The following THOP1 variants were observed in gnomAD, a reference collection of about 807,000 sequenced individuals.
The protein encoded by THOP1 is thimet oligopeptidase 1.
A neutral mutation model predicts 71.8 loss-of-function variants in THOP1; 49 were observed. The observed-to-expected ratio is 0.68, with a 90% CI of 0.54 to 0.87. The LOEUF (loss-of-function observed/expected upper bound fraction) is 0.87. Ranked by LOEUF, THOP1 falls within the 40% of genes least tolerant of loss-of-function variation. The pLI, the probability that THOP1 is intolerant of heterozygous loss-of-function variation, is 0.00. For missense variants in THOP1, 843 were observed against 975.6 expected, an observed-to-expected ratio of 0.86 and a Z score of 1.81; for synonymous variants, 426 against 421.5, an observed-to-expected ratio of 1.01 and a Z score of -0.13.
intron 11 of THOP1, among the ~76,000 whole-genome samples, chr19:2,811,323 G>A (rs1916455494): frequency 6.6e-6 from 1 of 152,222 alleles, no homozygotes; most frequent in Non-Finnish European, 1.5e-5. Context: ...TTGCTTTATT[G>A]ACGCAGTCTC....
chr19:2,797,771 C>G (rs540050354), intron 4 of THOP1, among the ~76,000 whole-genome samples: 1 of 152,342 alleles, frequency 6.6e-6, no homozygotes, highest in East Asian at 1.9e-4. Flanking sequence ...AGAAAGCACA[C>G]AGTTCAATCA....
intron 9 of THOP1, chr19:2,809,775 A>G (rs1916408322): frequency 6.4e-6 from 1 of 155,372 alleles, no homozygotes; most frequent in Admixed American, 6.3e-5. Context: ...TTCCGTCGGG[A>G]CAAGGAGTGT....
At position 2,790,463 on chromosome 19, in the gene THOP1, T is replaced by C; in HGVS notation, c.59T>C (p.Val20Ala). ...DMADAASPCS[V>A]VNDLRWDLSA... ...GCGGACGCAGCATCTCCGTGCTCTG[T>C]GGTAAACGACCTGCGGTGGGACCTG... The change falls in exon 2 of 13, where the codon GTG becomes GCG. Residue 20 changes from valine (V) to alanine (A), a missense_variant. Physicochemically the swap from Val to Ala is moderately conservative, Grantham distance 64. Coordinates refer to ENST00000307741, the MANE Select transcript of THOP1 (RefSeq NM_003249.5). 6.3e-7 allele frequency: 1 copy of C among 1,598,864 alleles called. No individual in the cohort carries two copies.
chr19:2,798,561 C>T (rs1300419531), intron 4 of THOP1, among the ~76,000 whole-genome samples: 1 of 152,252 alleles, frequency 6.6e-6, no homozygotes, highest in Non-Finnish European at 1.5e-5. Context: ...GTCTCCAGAG[C>T]CTTCCCTGGC....
intron 9 of THOP1, chr19:2,810,005 C>T (rs1056328124): frequency 3.4e-5 from 16 of 465,584 alleles, no homozygotes; most frequent in Non-Finnish European, 5.7e-5. Flanking sequence ...CCCAACCCCT[C>T]GGGGTGCGGA....
In THOP1 at chr19:2,807,632, C is replaced by T. The variant is rs760179127; in HGVS notation, c.1077C>T (p.Tyr359=). ...TGGACCAGAACCTGCTCAAGGAGTA[C>T]TTCCCCGTGCAGGTGGTCACGCACG... The part of the protein sequence containing the change: ...YCVDQNLLKE[Y]FPVQVVTHGL... The change falls in exon 8 of 13, where the codon TAC becomes TAT. Residue 359 remains tyrosine (Y), a synonymous_variant. Coordinates refer to ENST00000307741, the MANE Select transcript of THOP1 (RefSeq NM_003249.5). 1.2e-6 allele frequency: 2 copies of T among 1,611,612 alleles called. No individual in the cohort carries two copies. The highest frequency in any genetic ancestry group is 1.7e-6 in the Non-Finnish European group (2 of 1,179,030).
rs752598272 is a variant in THOP1 at position 2,811,783 on chromosome 19, C to T, written c.1908+49C>T. 16 of 1,555,830 alleles carry T rather than the reference C, an allele frequency of 1.0e-5. 1 individual carries two copies. The South Asian group carries it at 1.7e-4, about 16-fold the overall frequency. On this transcript the variant is annotated intron_variant, in intron 12 of 12. Coordinates refer to ENST00000307741, the MANE Select transcript of THOP1 (RefSeq NM_003249.5). ...AGGGCGTCCTGAACGGCAAGGTACG[C>T]GGGGACTGGGGACAGGGAGGGCGTC...
At position 2,804,898 on chromosome 19, in the gene THOP1, C is replaced by T; in HGVS notation, c.590-118C>T. ...GTGGTGGCCAGGCTGCAGCTGCTCG[C>T]TGAGGGCCCCCTTGTAGCTTTCCAG... On this transcript the variant is annotated intron_variant, in intron 5 of 12. Transcript: ENST00000307741. The surrounding 1 kb of genome is among the most constrained non-coding windows in gnomAD (Gnocchi z 4.7). The T allele has an allele frequency of 9.6e-7, 1 of 1,045,974 alleles. No individual in the cohort carries two copies. Among genetic ancestry groups the T allele is most frequent in the Admixed American group, 3.0e-5 (1 of 33,850 alleles). 64.8% of individuals were successfully genotyped at this position (1,045,974 alleles called of 1,614,324 possible). A position where few individuals can be genotyped will look rare whatever the true frequency, so the allele number is the denominator to read the frequency against.
chr19:2,795,047 C>A, intron 3 of THOP1, 135 bp downstream of exon 3: 1 of 1,067,866 alleles, frequency 9.4e-7, no homozygotes, highest in Non-Finnish European at 1.3e-6. Context: ...TAGTCTCGAA[C>A]TCCTGACCTC....
intron 2 of THOP1, among the ~76,000 whole-genome samples, chr19:2,792,471 C>A (rs111787714): frequency 2.0e-5 from 3 of 150,764 alleles, no homozygotes; most frequent in African/African-American, 4.9e-5. Context: ...AGCCCACCCC[C>A]CCTCTAAACA....
Position 2,803,022 on chromosome 19 carries a change from G to A in THOP1, c.590-1994G>A, listed in dbSNP as rs77993747. ...CCGCAGGCTCGGCCTCTGAGCCCGC[G>A]CTTACTGTGGGGCGCGCGGTACCGC... On this transcript the variant is annotated intron_variant, in intron 5 of 12. Transcript: ENST00000307741. Among the ~76,000 whole-genome samples the A allele has an allele frequency of 1.3e-3, 190 of 150,832 alleles. 2 individuals are homozygous for A. In the East Asian group the frequency reaches 0.033, roughly 26 times the overall value.
chr19:2,793,163 G>A (rs548199327), intron 2 of THOP1, among the ~76,000 whole-genome samples: 5 of 151,418 alleles, frequency 3.3e-5, no homozygotes, highest in East Asian at 3.9e-4. Context: ...CAACAGCAGC[G>A]AAACTCTGTC....
At chr19:2,792,808 C>T (rs762197840) in intron 2 of THOP1, among the ~76,000 whole-genome samples, 11 of 152,134 alleles carry the variant, frequency 7.2e-5, no homozygotes, top group East Asian at 1.9e-4. Context: ...TGTGTGCCAC[C>T]GTGCCTGGCT....
intron 5 of THOP1, among the ~76,000 whole-genome samples, chr19:2,803,201 A>C (rs979717610): frequency 6.6e-6 from 1 of 152,206 alleles, no homozygotes; most frequent in African/African-American, 2.4e-5. Context: ...TGTGTTCACC[A>C]CTGCCAGGGA....
intron 6 of THOP1, chr19:2,806,708 C>T (rs1198285487): frequency 6.6e-6 from 5 of 760,298 alleles, no homozygotes; most frequent in African/African-American, 3.5e-5. Flanking sequence ...GAGTCATCTG[C>T]ACCCCTTCTG....
In THOP1 at chr19:2,804,263, G is replaced by T. The variant is rs1490519446; in HGVS notation, c.590-753G>T. ...CACTTCTCTTGAGGCTGTCGGGCAG[G>T]GGCCAGGTGGGAGGGTGTGGCTGCC... On this transcript the variant is annotated intron_variant, in intron 5 of 12. Coordinates refer to ENST00000307741, the MANE Select transcript of THOP1 (RefSeq NM_003249.5). The surrounding 1 kb of genome is among the most constrained non-coding windows in gnomAD (Gnocchi z 4.7). Among the ~76,000 whole-genome samples, 1 of 152,172 alleles carries T rather than the reference G, an allele frequency of 6.6e-6. No individual in the cohort carries two copies. Among genetic ancestry groups the T allele is most frequent in the African/African-American group, 2.4e-5 (1 of 41,436 alleles).
At position 2,815,252 on chromosome 19, in the gene THOP1, A is replaced by G. The variant is rs1916575508; in HGVS notation, c.*1976A>G. ...GAGCACCCCAGCTGGGCCCTGGGCC[A>G]TCACAGCCTTGTCACACACACAGCC... On this transcript the variant is annotated 3_prime_UTR_variant, in exon 13 of 13. Coordinates refer to ENST00000307741, the MANE Select transcript of THOP1 (RefSeq NM_003249.5). 6.6e-6 allele frequency: 1 copy of G among 152,310 alleles called. No individual in the cohort carries two copies. The highest frequency in any genetic ancestry group is 1.9e-4 in the East Asian group (1 of 5,182). 9.4% of individuals were successfully genotyped at this position (152,310 alleles called of 1,614,324 possible).
chr19:2,804,801 T>A lies in THOP1; in HGVS notation c.590-215T>A. On this transcript the variant is annotated intron_variant, in intron 5 of 12. Transcript: ENST00000307741. This position sits in a 1 kb window ranked among gnomAD's most constrained non-coding sequence, Gnocchi z 4.7. ...GGCGGGACGTGAGAAACGTGGCAGG[T>A]GGTGGCCAGGCTGTGGGGGAGCCAG... is the stretch of plus-strand genomic sequence containing the variant. 1 of 524,880 alleles carries A rather than the reference T, an allele frequency of 1.9e-6. No homozygotes were observed. The highest frequency in any genetic ancestry group is 2.5e-5 in the South Asian group (1 of 39,628). The allele number at this position is 524,880 out of a possible 1,614,324, so 32.5% of individuals were successfully genotyped here.
At chr19:2,809,355 C>T (rs550220959) in intron 9 of THOP1, among the ~76,000 whole-genome samples, 3 of 152,278 alleles carry the variant, frequency 2.0e-5, no homozygotes, top group South Asian at 2.1e-4. Context: ...CTCTGCACAA[C>T]GCTTGGGGCC....
Sources: gnomAD v4.1 joint callset for allele counts (sites outside exome capture counted in the v4.1 genomes callset) on GRCh38, gnomAD v4.1.1 for gene constraint, Gnocchi (gnomAD v3.1) non-coding constraint, MANE v1.5 for transcripts, NCBI Gene and HGNC (gene_info 2026-07-23, HGNC 2026-07-21) for gene names.